TRIM36: variants seen among roughly 807,000 people sequenced by gnomAD.
The protein encoded by TRIM36 is tripartite motif containing 36, also known as E3 ubiquitin-protein ligase TRIM36.
In TRIM36, 42 loss-of-function variants were observed where a neutral mutation model predicts 72.4. The observed-to-expected ratio is 0.58, with a 90% confidence interval of 0.45 to 0.75. The LOEUF (loss-of-function observed/expected upper bound fraction) is 0.75. Among genes scored for constraint, TRIM36 ranks in the 30% least tolerant of loss-of-function variants. TRIM36 has a pLI of 0.00. For synonymous variants in TRIM36, 315 were observed against 282.8 expected (o/e 1.11, Z -1.14); for missense variants, 913 against 857.1 (o/e 1.07, Z -0.81).
Position 115,126,781 on chromosome 5 carries a change from T to G in TRIM36, c.1873A>C (p.Thr625Pro), listed in dbSNP as rs541941798. ...ATAAAAAATTTCTGCATGCCTATAGTAACTAAGGTAAATGGTTGTGAAGAA... is the reference window on the plus strand; with the variant it reads ...ATAAAAAATTTCTGCATGCCTATAGGAACTAAGGTAAATGGTTGTGAAGAA... ...FDSSQPFTLV[T>P]IGMQKFFIPK... Residue 625 changes from threonine to proline, a missense_variant, in exon 10 of 10, where the codon ACT (threonine) becomes CCT (proline). Thr to Pro is a conservative substitution (Grantham distance 38). Coordinates refer to ENST00000513154, the MANE Select transcript of TRIM36 (RefSeq NM_001300759.2). 1 of 1,614,132 alleles carries G rather than the reference T, an allele frequency of 6.2e-7. No homozygotes were observed. Among genetic ancestry groups the G allele is most frequent in the East Asian group, 2.2e-5 (1 of 44,868 alleles).
At chr5:115,142,694 G>A (rs1753341775) in intron 4 of TRIM36, among the ~76,000 whole-genome samples, 1 of 152,170 alleles carries the variant, frequency 6.6e-6, no homozygotes, top group Non-Finnish European at 1.5e-5. Context: ...TCAGTTTTAA[G>A]CAAGAATCAG....
chr5:115,141,214 C>G, intron 5 of TRIM36, 65 bp downstream of exon 5: 1 of 1,198,568 alleles, frequency 8.3e-7, no homozygotes, highest in East Asian at 2.5e-5. Flanking sequence ...ATTTTATGAA[C>G]AAATGAATGA....
Position 115,126,605 on chromosome 5 carries a change from A to G in TRIM36, c.2049T>C (p.Cys683=). Residue 683 remains cysteine, a synonymous_variant, in exon 10 of 10, where the codon TGT becomes TGC. Coordinates refer to ENST00000513154, the MANE Select transcript of TRIM36 (RefSeq NM_001300759.2). ...MKCLYERQVD[C]SHTLYPAFAL... Reference sequence around the variant, plus strand: ...CAAATGCTGGATACAGTGTATGTGAACAGTCCACTTGGCGTTCATAAAGGC... The same window carrying G: ...CAAATGCTGGATACAGTGTATGTGAGCAGTCCACTTGGCGTTCATAAAGGC... The G allele has an allele frequency of 6.2e-7, 1 of 1,614,200 alleles. No individual in the cohort carries two copies. Among genetic ancestry groups the G allele is most frequent in the Non-Finnish European group, 8.5e-7 (1 of 1,180,024 alleles).
intron 2 of TRIM36, among the ~76,000 whole-genome samples, chr5:115,162,013 C>T (rs545734534): frequency 4.6e-5 from 7 of 152,156 alleles, no homozygotes; most frequent in South Asian, 2.1e-4. Context: ...TGTGTGTGCG[C>T]GTGTGTCTTC....
intron 2 of TRIM36, chr5:115,153,594 C>T (rs952540587): frequency 6.6e-6 from 1 of 152,348 alleles, no homozygotes; most frequent in Non-Finnish European, 1.5e-5. Flanking sequence ...CAATCTCTAC[C>T]TCGTGGGTTC....
chr5:115,170,452 G>A (rs2126949169), upstream of TRIM36, among the ~76,000 whole-genome samples: 1 of 152,330 alleles, frequency 6.6e-6, no homozygotes, highest in Admixed American at 6.5e-5. Context: ...GCCGCGGCGA[G>A]CACGGCAGAG....
intron 1 of TRIM36, among the ~76,000 whole-genome samples, chr5:115,176,940 T>C (rs369076199): frequency 3.9e-5 from 6 of 152,370 alleles, no homozygotes; most frequent in African/African-American, 1.4e-4. Flanking sequence ...TATGCAGTAT[T>C]GTTTGATGAG....
chr5:115,141,154 G>C (rs933379702), intron 5 of TRIM36, 125 bp downstream of exon 5: 33 of 655,654 alleles, frequency 5.0e-5, no homozygotes, highest in Non-Finnish European at 7.3e-5. Context: ...GAAAAGCAGG[G>C]GTGAAATCTA....
intron 1 of TRIM36, chr5:115,179,862 C>G: frequency 9.5e-7 from 1 of 1,048,812 alleles, no homozygotes. Context: ...CTCCTGGATT[C>G]CAGCCTCCCG....
At chr5:115,171,046 A>G, upstream of TRIM36, 1 of 1,611,308 alleles carries the variant, frequency 6.2e-7, no homozygotes, top group South Asian at 1.1e-5. Context: ...CTTTAAGAAC[A>G]GATGCCCTAA....
At chr5:115,140,509 C>G (rs938333048) in intron 5 of TRIM36, among the ~76,000 whole-genome samples, 3 of 152,106 alleles carry the variant, frequency 2.0e-5, no homozygotes, top group South Asian at 2.1e-4. Flanking sequence ...CAGCATCCAA[C>G]AGAAAATCCA....
intron 3 of TRIM36, among the ~76,000 whole-genome samples, chr5:115,146,755 T>C (rs1479319495): frequency 1.3e-5 from 2 of 152,214 alleles, no homozygotes; most frequent in East Asian, 3.8e-4. Context: ...ACTTTAACCA[T>C]TTCAATCTTA....
chr5:115,162,319 C>G (rs1754527605), intron 2 of TRIM36, among the ~76,000 whole-genome samples: 2 of 152,170 alleles, frequency 1.3e-5, no homozygotes, highest in South Asian at 4.1e-4. Context: ...TAATGGAGCT[C>G]ATATTCCAAA....
rs73780056 is a variant in TRIM36 at position 115,125,063 on chromosome 5, T to C, written c.*1440A>G. Reference sequence around the variant, plus strand: ...GAAGTTCTCCATGATATTTGCTACTTGAGTTGAGGGTAAAAAGCTAATTTA... The same window carrying C: ...GAAGTTCTCCATGATATTTGCTACTCGAGTTGAGGGTAAAAAGCTAATTTA... On this transcript the variant is annotated 3_prime_UTR_variant, in exon 10 of 10. Coordinates refer to ENST00000513154, the MANE Select transcript of TRIM36 (RefSeq NM_001300759.2). 6,214 of 152,556 alleles carry C rather than the reference T, an allele frequency of 0.041. 259 individuals are homozygous for C. The highest frequency in any genetic ancestry group is 0.11 in the African/African-American group (4,629 of 41,522). 9.5% of individuals were successfully genotyped at this position (152,556 alleles called of 1,614,324 possible). A position where few individuals can be genotyped will look rare whatever the true frequency, so the allele number is the denominator to read the frequency against.
chr5:115,159,173 A>C (rs566053320), intron 2 of TRIM36, among the ~76,000 whole-genome samples: 4 of 152,238 alleles, frequency 2.6e-5, no homozygotes, highest in African/African-American at 9.6e-5. Flanking sequence ...AGTACTTTAA[A>C]ACATCAACAA....
intron 2 of TRIM36, among the ~76,000 whole-genome samples, chr5:115,151,767 G>C (rs1190102468): frequency 6.6e-6 from 1 of 152,166 alleles, no homozygotes; most frequent in African/African-American, 2.4e-5. Flanking sequence ...TGGGTGGATA[G>C]ATCCAGAAGA....
At chr5:115,149,551 T>G (rs1013884252) in intron 2 of TRIM36, 1 of 124,062 alleles carries the variant, frequency 8.1e-6, no homozygotes, top group Non-Finnish European at 1.6e-5. Flanking sequence ...ACACCCAGAA[T>G]TGGGTCCTCA....
chr5:115,130,059 G>T (rs78950337), intron 9 of TRIM36, among the ~76,000 whole-genome samples: 2,080 of 152,160 alleles, frequency 0.014, 53 homozygotes, highest in African/African-American at 0.048. Context: ...TCACATGAGT[G>T]GTCAAAAATT....
chr5:115,140,996 C>G (rs1753245766), intron 5 of TRIM36, among the ~76,000 whole-genome samples: 1 of 152,134 alleles, frequency 6.6e-6, no homozygotes, highest in South Asian at 2.1e-4. Context: ...CCTTATGTTA[C>G]TATTAAATAC....
Sources: allele counts gnomAD v4.1 joint callset (sites outside exome capture counted in the v4.1 genomes callset), GRCh38; gene constraint gnomAD v4.1.1; transcripts MANE v1.5; gene names NCBI Gene and HGNC (gene_info 2026-07-23, HGNC 2026-07-21).